Variants in RELN observed in about 807,000 individuals in gnomAD.
RELN encodes the protein reelin.
In RELN, 108 loss-of-function variants were observed where a neutral mutation model predicts 427.6. The ratio of observed to expected loss-of-function variants is 0.25; its 90% CI spans 0.22 to 0.30. The LOEUF (loss-of-function observed/expected upper bound fraction) is 0.30, where lower values mean the gene tolerates loss of function less well. Ranked by LOEUF, RELN falls within the 10% of genes least tolerant of loss-of-function variation. RELN has a pLI of 1.00. For missense variants in RELN, 3,715 were observed against 4,302.8 expected, an observed-to-expected ratio of 0.86 and a Z score of 3.82; for synonymous variants, 1,524 against 1,513.4, an observed-to-expected ratio of 1.01 and a Z score of -0.16.
At chr7:103,543,170 G>A in intron 42 of RELN, among the ~76,000 whole-genome samples, 1 of 152,144 alleles carries the variant, frequency 6.6e-6, no homozygotes, top group East Asian at 1.9e-4. Flanking sequence ...CTGAAAAAAA[G>A]GACACTGGTT....
chr7:103,975,202 T>C (rs530293713), intron 1 of RELN, among the ~76,000 whole-genome samples: 53 of 152,364 alleles, frequency 3.5e-4, no homozygotes, highest in African/African-American at 1.3e-3. Flanking sequence ...ATCTTGGCAC[T>C]GCCACTTTCA....
At chr7:103,685,702 GAT>G (rs1833752143) in intron 10 of RELN, among the ~76,000 whole-genome samples, 1 of 151,990 alleles carries the variant, frequency 6.6e-6, no homozygotes. Flanking sequence ...GTAGGTTACC[GAT>G]TTCTAAAGTC....
chr7:103,595,568 A>C (rs1041657191), intron 25 of RELN, among the ~76,000 whole-genome samples: 2 of 152,216 alleles, frequency 1.3e-5, no homozygotes, highest in Non-Finnish European at 2.9e-5. Context: ...TGTTTAAAAC[A>C]TATTCAGTCT....
intron 24 of RELN, among the ~76,000 whole-genome samples, chr7:103,597,433 T>C (rs1324487480): frequency 6.6e-6 from 1 of 152,054 alleles, no homozygotes; most frequent in Non-Finnish European, 1.5e-5. Context: ...TGAAACCCTG[T>C]CTCTACTAAA....
chr7:103,499,480 C>G (rs1335929490), intron 53 of RELN, among the ~76,000 whole-genome samples: 1 of 152,054 alleles, frequency 6.6e-6, no homozygotes, highest in African/African-American at 2.4e-5. Flanking sequence ...TATCATAAAG[C>G]CAATTTGTTC....
chr7:103,951,391 C>A (rs985386760), intron 1 of RELN, among the ~76,000 whole-genome samples: 1 of 152,158 alleles, frequency 6.6e-6, no homozygotes. Flanking sequence ...TAATTTAAAT[C>A]CTATGATTGT....
At chr7:103,954,221 T>C (rs112567883) in intron 1 of RELN, among the ~76,000 whole-genome samples, 1 of 152,244 alleles carries the variant, frequency 6.6e-6, no homozygotes, top group African/African-American at 2.4e-5. Flanking sequence ...GATCGCACCA[T>C]TGCACTTCAT....
At chr7:103,643,691 G>A (rs1832739802) in intron 16 of RELN, among the ~76,000 whole-genome samples, 1 of 151,888 alleles carries the variant, frequency 6.6e-6, no homozygotes, top group East Asian at 1.9e-4. Context: ...GACTAACAGT[G>A]GAATTCTTGT....
chr7:103,566,806 G>A lies in RELN; in HGVS notation c.4589-47C>T, dbSNP rs189642591. The A allele has an allele frequency of 1.3e-3, 1,977 of 1,571,392 alleles. 1 individual carries two copies. The highest frequency in any genetic ancestry group is 1.6e-3 in the Non-Finnish European group (1,808 of 1,141,934). Reference sequence around the variant, plus strand: ...CAGTTATTTGGACACTTTCCTAGAGGGGAAGGAACAGTATTTCTTAAATGG... The same window carrying A: ...CAGTTATTTGGACACTTTCCTAGAGAGGAAGGAACAGTATTTCTTAAATGG... On this transcript the variant is annotated intron_variant, in intron 31 of 64. Transcript: ENST00000428762.
chr7:103,553,361 G>A (rs943724050), intron 40 of RELN, 100 bp downstream of exon 40: 1 of 856,518 alleles, frequency 1.2e-6, no homozygotes, highest in Non-Finnish European at 1.9e-6. Context: ...ACAAAAATGG[G>A]AGGTCATAAT....
chr7:103,823,077 TA>T (rs1183793257), intron 3 of RELN, among the ~76,000 whole-genome samples: 1 of 152,070 alleles, frequency 6.6e-6, no homozygotes, highest in African/African-American at 2.4e-5. Context: ...ACACGCAAGT[TA>T]TTTTGTTCTT....
At chr7:103,889,617 C>A (rs1272285479) in intron 2 of RELN, among the ~76,000 whole-genome samples, 1 of 152,092 alleles carries the variant, frequency 6.6e-6, no homozygotes, top group Non-Finnish European at 1.5e-5. Context: ...TACATCTTCT[C>A]CAGCATTATC....
Position 103,907,414 on chromosome 7 carries a change from G to GAAA in RELN, c.337+9660_337+9661insTTT, listed in dbSNP as rs1795234328. Among the ~76,000 whole-genome samples, 8 of 39,690 alleles carry GAAA rather than the reference G, an allele frequency of 2.0e-4. 2 individuals carry two copies. Among genetic ancestry groups the GAAA allele is most frequent in the African/African-American group, 6.4e-4 (5 of 7,856 alleles). 26.0% of individuals were successfully genotyped at this position (39,690 alleles called of 152,430 possible). On this transcript the variant is annotated intron_variant, in intron 2 of 64. Coordinates refer to ENST00000428762, the MANE Select transcript of RELN (RefSeq NM_005045.4). ...GCCTGGGCAACAAGATCAAGGCTCT[G>GAAA]GAAAAAAAAAAAAAAAAAAAAAAAA...
chr7:103,555,445 T>TGGAA (rs915713876), intron 38 of RELN, among the ~76,000 whole-genome samples: 1 of 152,116 alleles, frequency 6.6e-6, no homozygotes, highest in African/African-American at 2.4e-5. Flanking sequence ...AAGTGGTTGG[T>TGGAA]GGAATCAATG....
At chr7:103,976,941 A>G (rs2116832643) in intron 1 of RELN, among the ~76,000 whole-genome samples, 1 of 152,176 alleles carries the variant, frequency 6.6e-6, no homozygotes, top group African/African-American at 2.4e-5. Flanking sequence ...AATCCCAGCT[A>G]CTCAGGAGGC....
At chr7:103,776,442 A>G (rs112732975) in intron 4 of RELN, 115 bp downstream of exon 4, 8 of 1,076,652 alleles carry the variant, frequency 7.4e-6, no homozygotes, top group African/African-American at 1.5e-5. Context: ...CAATACTTAC[A>G]TTTTTAAAGC....
rs1198888994 is a variant in RELN at position 103,988,940 on chromosome 7, G to C, written c.226+191C>G. On this transcript the variant is annotated intron_variant, in intron 1 of 64. Coordinates refer to ENST00000428762, the MANE Select transcript of RELN (RefSeq NM_005045.4). The surrounding 1 kb of genome is among the most constrained non-coding windows in gnomAD (Gnocchi z 4.9). The stretch of plus-strand genomic sequence containing the variant: ...GATGCGTTCGGGGAGTGGGGACATG[G>C]AGAATGAATCCCAACTTGTGACTCC... Among the ~76,000 whole-genome samples, 1 of 152,170 alleles carries C rather than the reference G, an allele frequency of 6.6e-6. No homozygotes were observed. Among genetic ancestry groups the C allele is most frequent in the Non-Finnish European group, 1.5e-5 (1 of 68,024 alleles).
intron 1 of RELN, among the ~76,000 whole-genome samples, chr7:103,934,547 A>G (rs1426822818): frequency 6.6e-6 from 1 of 152,184 alleles, no homozygotes; most frequent in Non-Finnish European, 1.5e-5. Flanking sequence ...ACAACTTCCA[A>G]GGCTGACATG....
intron 11 of RELN, among the ~76,000 whole-genome samples, chr7:103,680,737 A>T (rs903592149): frequency 6.6e-6 from 1 of 151,722 alleles, no homozygotes; most frequent in African/African-American, 2.4e-5. Flanking sequence ...GAGGTCCTAG[A>T]GGCTAAAATG....
Sources: allele counts gnomAD v4.1 joint callset (sites outside exome capture counted in the v4.1 genomes callset), GRCh38; gene constraint gnomAD v4.1.1; non-coding constraint Gnocchi (gnomAD v3.1); transcripts MANE v1.5; gene names NCBI Gene and HGNC (gene_info 2026-07-23, HGNC 2026-07-21).